TNNT1: variants seen among roughly 807,000 people sequenced by gnomAD.
TNNT1 encodes troponin T, slow skeletal muscle.
TNNT1 carries 53 observed loss-of-function variants against 50.6 expected under a neutral mutation model. That is an observed-to-expected ratio of 1.05 (90% CI 0.84 to 1.32). The LOEUF (loss-of-function observed/expected upper bound fraction) is 1.32. Ranked by LOEUF, TNNT1 falls within the 40% of genes most tolerant of loss-of-function variation. The pLI is 0.00. For missense variants in TNNT1, 348 were observed against 381.7 expected, an observed-to-expected ratio of 0.91 and a Z score of 0.74; for synonymous variants, 142 against 138.0, an observed-to-expected ratio of 1.03 and a Z score of -0.20.
chr19:55,142,312 G>A (rs1363549420), intron 6 of TNNT1, among the ~76,000 whole-genome samples: 1 of 151,236 alleles, frequency 6.6e-6, no homozygotes, highest in Non-Finnish European at 1.5e-5. Context: ...TAGTAGAGAC[G>A]GGGCTTCACT....
chr19:55,146,630 T>TGGG, intron 4 of TNNT1, 51 bp downstream of exon 4: 1 of 1,025,182 alleles, frequency 9.8e-7, no homozygotes, highest in Non-Finnish European at 1.4e-6. Context: ...GGGCCCAGCG[T>TGGG]CCCCGCCCCC....
intron 1 of TNNT1, 40 bp downstream of exon 1, chr19:55,149,121 A>G (rs1410798233): frequency 4.4e-6 from 2 of 455,832 alleles, no homozygotes; most frequent in East Asian, 7.0e-5. Context: ...CCCCAAGGAC[A>G]TGGTTTTTGA....
rs562320891 is a variant in TNNT1 at position 55,140,122 on chromosome 19, G to GA, written c.387+760dup. 6.3e-3 allele frequency among the ~76,000 whole-genome samples: 751 copies of GA among 119,116 alleles called. 8 individuals carry two copies. Among genetic ancestry groups the GA allele is most frequent in the African/African-American group, 0.02 (631 of 31,898 alleles). 78.1% of individuals were successfully genotyped at this position (119,116 alleles called of 152,430 possible). ...TGGGTGACAGAGCGAGACTGTCTCA[G>GA]AAAAAAAAAAAATTAAAATTAAAAA... On this transcript the variant is annotated intron_variant, in intron 9 of 13. Transcript: ENST00000588981.
At chr19:55,138,119 T>C in intron 9 of TNNT1, 45 bp from the exon 10 acceptor site, 1 of 1,613,628 alleles carries the variant, frequency 6.2e-7, no homozygotes, top group Non-Finnish European at 8.5e-7. Context: ...CCTGTAGGAC[T>C]GAGGGAGGAG....
chr19:55,142,799 C>A (rs1568844978), intron 6 of TNNT1, among the ~76,000 whole-genome samples: 1 of 151,912 alleles, frequency 6.6e-6, no homozygotes. Context: ...CTGCCTGCCT[C>A]AGCCTCCCAA....
intron 11 of TNNT1, among the ~76,000 whole-genome samples, chr19:55,136,711 T>A (rs2085351296): frequency 6.6e-6 from 1 of 152,158 alleles, no homozygotes; most frequent in Non-Finnish European, 1.5e-5. Context: ...AGGCAGGCTG[T>A]CTTGGCTATA....
chr19:55,147,080 C>A, intron 2 of TNNT1, 46 bp downstream of exon 2: 1 of 1,613,308 alleles, frequency 6.2e-7, no homozygotes, highest in African/African-American at 1.3e-5. Context: ...GGTGGGAGAG[C>A]CTCTCCACCA....
chr19:55,137,086 C>T lies in TNNT1; in HGVS notation c.611+17G>A, dbSNP rs1468960774. The T allele has an allele frequency of 2.0e-6, 3 of 1,475,748 alleles. No individual in the cohort carries two copies. Among genetic ancestry groups the T allele is most frequent in the Admixed American group, 3.4e-5 (2 of 59,390 alleles). The allele number at this position is 1,475,748 out of a possible 1,614,324, so 91.4% of individuals were successfully genotyped here. ...CACACCCAGGCCCCTACACCCCGAG[C>T]CCCCCACAGCACCTACCGGAGCTGT... On this transcript the variant is annotated intron_variant, in intron 11 of 13. Transcript: ENST00000588981.
chr19:55,134,183 A>T lies in TNNT1; in HGVS notation c.633T>A (p.Pro211=). ...EQLRARSAWL[P]PSQPSCPARE... ...TGGCAGGGCAGGAGGGCTGTGATGG[A>T]GGCAGCCAGGCAGACCGGGCCCTAG... The change falls in exon 12 of 14, where the codon CCT becomes CCA. Residue 211 remains proline, a synonymous_variant. Transcript: ENST00000588981. The T allele has an allele frequency of 6.3e-7, 1 of 1,581,872 alleles. No homozygotes were observed. Among genetic ancestry groups the T allele is most frequent in the Non-Finnish European group, 8.6e-7 (1 of 1,164,098 alleles).
At chr19:55,141,165 G>T in intron 8 of TNNT1, 21 bp downstream of exon 8, 1 of 1,597,626 alleles carries the variant, frequency 6.3e-7, no homozygotes, top group Non-Finnish European at 8.6e-7. Flanking sequence ...AGACCGGGGG[G>T]AACCCGGACT....
chr19:55,134,359 G>A (rs1276839371), intron 11 of TNNT1, among the ~76,000 whole-genome samples, 155 bp from the exon 12 acceptor site: 1 of 152,002 alleles, frequency 6.6e-6, no homozygotes, highest in East Asian at 2.0e-4. Flanking sequence ...CTCCACATCC[G>A]AGCTGGAGCT....
intron 5 of TNNT1, 71 bp from the exon 6 acceptor site, chr19:55,145,636 C>A (rs1244548448): frequency 1.5e-5 from 24 of 1,572,440 alleles, no homozygotes; most frequent in Admixed American, 5.0e-5. Flanking sequence ...CCTGACACAC[C>A]CTGGGGAGGG....
rs1371929601 is a variant in TNNT1 at position 55,140,346 on chromosome 19, T to C, written c.387+537A>G. On this transcript the variant is annotated intron_variant, in intron 9 of 13. Transcript: ENST00000588981. ...TAGTGGGGCAGAGTGGCGCAGCCTATATAGTTCCAGCGACTCTGGAGGCTG... is the reference window on the plus strand; with the variant it reads ...TAGTGGGGCAGAGTGGCGCAGCCTACATAGTTCCAGCGACTCTGGAGGCTG... Among the ~76,000 whole-genome samples the C allele has an allele frequency of 5.3e-5, 8 of 151,796 alleles. No homozygotes were observed. In the East Asian group the frequency reaches 1.4e-3, roughly 26 times the overall value.
intron 5 of TNNT1, among the ~76,000 whole-genome samples, chr19:55,145,798 T>G (rs1462451144): frequency 1.3e-5 from 2 of 152,006 alleles, no homozygotes; most frequent in African/African-American, 4.8e-5. Flanking sequence ...CATTCAGAAC[T>G]GGTGTGGGGA....
Position 55,134,178 on chromosome 19 carries a change from G to C in TNNT1, c.638C>G (p.Ser213Ter). The change falls in exon 12 of 14, where the codon TCA becomes TGA. Residue 213 changes from serine (S) to a stop codon, truncating the protein, a stop_gained. Transcript: ENST00000588981. LOFTEE classifies it high-confidence loss of function. Reference sequence around the variant, plus strand: ...CTCCCTGGCAGGGCAGGAGGGCTGTGATGGAGGCAGCCAGGCAGACCGGGC... The same window carrying C: ...CTCCCTGGCAGGGCAGGAGGGCTGTCATGGAGGCAGCCAGGCAGACCGGGC... ...LRARSAWLPP[S>*]QPSCPAREKA... 5 of 1,587,970 alleles carry C rather than the reference G, an allele frequency of 3.1e-6. No homozygotes were observed. Among genetic ancestry groups the C allele is most frequent in the Non-Finnish European group, 4.3e-6 (5 of 1,167,408 alleles).
At chr19:55,146,155 A>T (rs928266627) in intron 5 of TNNT1, among the ~76,000 whole-genome samples, 1 of 151,974 alleles carries the variant, frequency 6.6e-6, no homozygotes, top group Non-Finnish European at 1.5e-5. Context: ...CTCCGCAAAC[A>T]TCCAACCCTT....
intron 1 of TNNT1, among the ~76,000 whole-genome samples, chr19:55,148,705 A>G (rs1273350605): frequency 6.6e-6 from 1 of 151,914 alleles, no homozygotes; most frequent in Non-Finnish European, 1.5e-5. Context: ...ATGGCACTCT[A>G]AGTTTTCATG....
At chr19:55,141,628 C>T (rs530205644) in intron 7 of TNNT1, among the ~76,000 whole-genome samples, 3 of 151,964 alleles carry the variant, frequency 2.0e-5, no homozygotes, top group Non-Finnish European at 4.4e-5. Flanking sequence ...GGATTACAGA[C>T]ACCTGCCACC....
chr19:55,138,339 G>A (rs1325029619), intron 9 of TNNT1, among the ~76,000 whole-genome samples: 1 of 150,730 alleles, frequency 6.6e-6, no homozygotes, highest in Non-Finnish European at 1.5e-5. Flanking sequence ...GTGCAGTGGT[G>A]CGATCTTGGC....
Sources: gnomAD v4.1 joint callset for allele counts (sites outside exome capture counted in the v4.1 genomes callset) on GRCh38, gnomAD v4.1.1 for gene constraint, MANE v1.5 for transcripts, NCBI Gene and HGNC (gene_info 2026-07-23, HGNC 2026-07-21) for gene names.